The following CRPPA variants were observed in gnomAD, a reference collection of about 807,000 sequenced individuals.
CRPPA encodes CDP-L-ribitol pyrophosphorylase A.
A neutral mutation model predicts 52.0 loss-of-function variants in CRPPA; 43 were observed. The ratio of observed to expected loss-of-function variants is 0.83; its 90% confidence interval spans 0.65 to 1.07. The LOEUF (loss-of-function observed/expected upper bound fraction) is 1.07, where lower values mean the gene tolerates loss of function less well. Ranked by LOEUF, CRPPA falls within the 50% of genes least tolerant of loss-of-function variation. The pLI, the probability that CRPPA is intolerant of heterozygous loss-of-function variation, is 0.00. For missense variants in CRPPA, 629 were observed against 551.7 expected (o/e 1.14, Z -1.40); for synonymous variants, 250 against 203.5 (o/e 1.23, Z -1.94).
intron 9 of CRPPA, among the ~76,000 whole-genome samples, chr7:16,140,468 T>C (rs1456434737): frequency 6.6e-6 from 1 of 152,188 alleles, no homozygotes; most frequent in Non-Finnish European, 1.5e-5. Flanking sequence ...CCCAGTCCTA[T>C]ACTACTGATT....
At chr7:16,243,641 C>T (rs1783186684) in intron 8 of CRPPA, among the ~76,000 whole-genome samples, 2 of 152,144 alleles carry the variant, frequency 1.3e-5, no homozygotes, top group South Asian at 4.2e-4. Context: ...TTTTAGAAAT[C>T]TAGAAGTACC....
chr7:16,316,878 T>C (rs569107785), intron 3 of CRPPA, among the ~76,000 whole-genome samples: 1 of 152,036 alleles, frequency 6.6e-6, no homozygotes, highest in Non-Finnish European at 1.5e-5. Flanking sequence ...AATATTAAGT[T>C]ATTTAAAAAT....
In CRPPA at chr7:16,301,440, C is replaced by A. The variant is rs754348253; in HGVS notation, c.816G>T (p.Ala272=). Residue 272 remains alanine, a synonymous_variant, in exon 5 of 10, where the codon GCG becomes GCT. Transcript: ENST00000407010. ...ACATACCCTTAATAATCGATTCAGC[C>A]GCATAGAGATCTCGTTTGTAGGTCA... ...WKVTYKRDLY[A]AESIIKERIS... is the part of the protein sequence containing the mutation. The A allele has an allele frequency of 6.2e-7, 1 of 1,612,702 alleles. No homozygotes were observed. The highest frequency in any genetic ancestry group is 1.7e-5 in the Admixed American group (1 of 59,950).
chr7:16,170,945 C>A (rs1042574384), intron 9 of CRPPA, among the ~76,000 whole-genome samples: 1 of 152,206 alleles, frequency 6.6e-6, no homozygotes, highest in Non-Finnish European at 1.5e-5. Flanking sequence ...TTCCTGCCTG[C>A]GCCTCTCCCT....
rs905755653 is a variant in CRPPA at position 16,421,339 on chromosome 7, G to T, written c.-17C>A. 6.5e-5 allele frequency: 81 copies of T among 1,240,136 alleles called. No homozygotes were observed. In the African/African-American group the frequency reaches 1.2e-3, roughly 18 times the overall value. 76.8% of individuals were successfully genotyped at this position (1,240,136 alleles called of 1,614,324 possible). ...GGCCTCCATGGCTGCGGGCGGAACG[G>T]CGAGCCCCGCTAGCCTCGGGCCGAT... On this transcript the variant is annotated 5_prime_UTR_variant, in exon 1 of 10. Coordinates refer to ENST00000407010, the MANE Select transcript of CRPPA (RefSeq NM_001101426.4).
At chr7:16,163,757 T>C (rs1381421302) in intron 9 of CRPPA, among the ~76,000 whole-genome samples, 2 of 152,202 alleles carry the variant, frequency 1.3e-5, no homozygotes, top group Non-Finnish European at 2.9e-5. Context: ...AAGGATTTTA[T>C]TTCTTCTTCA....
chr7:16,174,281 T>C (rs1252450358), intron 9 of CRPPA, among the ~76,000 whole-genome samples: 1 of 152,152 alleles, frequency 6.6e-6, no homozygotes, highest in Admixed American at 6.5e-5. Flanking sequence ...AGGTTCAGGA[T>C]TGCCAGTCTT....
intron 1 of CRPPA, among the ~76,000 whole-genome samples, chr7:16,411,540 A>T (rs1788077961): frequency 6.6e-6 from 1 of 151,814 alleles, no homozygotes; most frequent in Non-Finnish European, 1.5e-5. Flanking sequence ...TTTAACAAAC[A>T]TCAAGTATGT....
At chr7:16,251,227 C>A (rs1013713824) in intron 8 of CRPPA, among the ~76,000 whole-genome samples, 2 of 152,126 alleles carry the variant, frequency 1.3e-5, no homozygotes, top group Non-Finnish European at 2.9e-5. Context: ...ATTAATAAAG[C>A]AAGTTCTTAG....
chr7:16,406,747 A>C (rs1787962984), intron 1 of CRPPA, among the ~76,000 whole-genome samples: 1 of 152,190 alleles, frequency 6.6e-6, no homozygotes, highest in Non-Finnish European at 1.5e-5. Context: ...TTGAGATCTA[A>C]AAGTTGACTG....
At chr7:16,119,992 C>G (rs1205849980) in intron 9 of CRPPA, among the ~76,000 whole-genome samples, 6 of 152,068 alleles carry the variant, frequency 3.9e-5, no homozygotes, top group Admixed American at 6.6e-5. Context: ...ATTTAGGAAT[C>G]TAGTGGAAGT....
intron 2 of CRPPA, among the ~76,000 whole-genome samples, chr7:16,399,983 G>T (rs767018668): frequency 6.6e-6 from 1 of 152,178 alleles, no homozygotes; most frequent in South Asian, 2.1e-4. Context: ...CGATTGACAC[G>T]TGACTGACGC....
At chr7:16,414,675 G>C (rs1403304359) in intron 1 of CRPPA, among the ~76,000 whole-genome samples, 1 of 152,164 alleles carries the variant, frequency 6.6e-6, no homozygotes. Context: ...CCTAATCTCA[G>C]TTTCTTGTTA....
intron 2 of CRPPA, among the ~76,000 whole-genome samples, chr7:16,387,044 GATAT>G (rs57024916): frequency 0.077 from 7,358 of 95,452 alleles, 298 homozygotes; most frequent in Admixed American, 0.1. Context: ...ATAAAAAAAA[GATAT>G]ATATATATAT....
intron 9 of CRPPA, among the ~76,000 whole-genome samples, chr7:16,189,057 G>A (rs528698147): frequency 2.6e-5 from 4 of 151,890 alleles, no homozygotes; most frequent in African/African-American, 9.7e-5. Context: ...AACATCATTC[G>A]ATGTCTCTGA....
chr7:16,392,747 C>CA (rs969552251), intron 2 of CRPPA, among the ~76,000 whole-genome samples: 20 of 152,188 alleles, frequency 1.3e-4, no homozygotes, highest in African/African-American at 4.8e-4. Context: ...TATATTCACT[C>CA]ATTTTTATGA....
intron 8 of CRPPA, among the ~76,000 whole-genome samples, chr7:16,233,964 T>A (rs1400336272): frequency 6.6e-6 from 1 of 152,102 alleles, no homozygotes; most frequent in Non-Finnish European, 1.5e-5. Context: ...CAAGAAAAAA[T>A]GCTTCTGTAC....
chr7:16,189,887 T>C (rs2128390112), intron 9 of CRPPA, among the ~76,000 whole-genome samples: 1 of 152,294 alleles, frequency 6.6e-6, no homozygotes, highest in Non-Finnish European at 1.5e-5. Context: ...ATGTCATTGC[T>C]TTAGTCTTTT....
At chr7:16,275,942 A>C (rs1368211015) in intron 6 of CRPPA, among the ~76,000 whole-genome samples, 1 of 152,076 alleles carries the variant, frequency 6.6e-6, no homozygotes, top group Non-Finnish European at 1.5e-5. Context: ...CCAGTCATAA[A>C]ATAAATGAAG....
Sources: allele counts gnomAD v4.1 joint callset (sites outside exome capture counted in the v4.1 genomes callset), GRCh38; gene constraint gnomAD v4.1.1; transcripts MANE v1.5; gene names NCBI Gene and HGNC (gene_info 2026-07-23, HGNC 2026-07-21).